RPGRIP1L: variants seen among roughly 807,000 people sequenced by gnomAD.
RPGRIP1L encodes protein fantom.
RPGRIP1L carries 131 observed loss-of-function variants against 160.4 expected under a neutral mutation model. The ratio of observed to expected loss-of-function variants is 0.82; its 90% CI spans 0.71 to 0.94. RPGRIP1L has a LOEUF of 0.94. Among genes scored for constraint, RPGRIP1L ranks in the 40% least tolerant of loss-of-function variants. RPGRIP1L has a pLI of 0.00. For synonymous variants in RPGRIP1L, 510 were observed against 515.8 expected, an observed-to-expected ratio of 0.99 and a Z score of 0.15; for missense variants, 1,522 against 1,535.8, an observed-to-expected ratio of 0.99 and a Z score of 0.15.
At chr16:53,628,075 T>C (rs1376845724) in intron 22 of RPGRIP1L, among the ~76,000 whole-genome samples, 1 of 152,050 alleles carries the variant, frequency 6.6e-6, no homozygotes, top group African/African-American at 2.4e-5. Context: ...TATTATCAAA[T>C]TAATCTCCAG....
chr16:53,680,619 T>C (rs1969532091), intron 6 of RPGRIP1L, among the ~76,000 whole-genome samples: 1 of 152,120 alleles, frequency 6.6e-6, no homozygotes, highest in Non-Finnish European at 1.5e-5. Flanking sequence ...GAAATTTGGA[T>C]ATGGACTGTG....
chr16:53,653,113 C>G, intron 14 of RPGRIP1L, 126 bp from the exon 15 acceptor site: 2 of 885,390 alleles, frequency 2.3e-6, no homozygotes, highest in Non-Finnish European at 3.4e-6. Flanking sequence ...TATGACTACA[C>G]TGTTTTTCTG....
rs543337021 is a variant in RPGRIP1L at position 53,644,725 on chromosome 16, A to T, written c.2683+900T>A. 1.5e-3 allele frequency among the ~76,000 whole-genome samples: 227 copies of T among 152,338 alleles called. 1 individual carries two copies. The highest frequency in any genetic ancestry group is 5.1e-3 in the African/African-American group (213 of 41,586). On this transcript the variant is annotated intron_variant, in intron 17 of 26. Transcript: ENST00000647211. ...TTGACCAAAAATATTATATACAGCAAGACCATCCTTCAAAAAACAAAATCA... is the reference window on the plus strand; with the variant it reads ...TTGACCAAAAATATTATATACAGCATGACCATCCTTCAAAAAACAAAATCA...
intron 22 of RPGRIP1L, among the ~76,000 whole-genome samples, chr16:53,624,773 CCCCCT>C: frequency 6.8e-6 from 1 of 147,098 alleles, no homozygotes. Flanking sequence ...CCCTCCCCCT[CCCCCT>C]CGTCTCAGTC....
intron 25 of RPGRIP1L, among the ~76,000 whole-genome samples, chr16:53,608,878 G>A (rs1042717947): frequency 7.9e-5 from 12 of 152,220 alleles, no homozygotes; most frequent in African/African-American, 2.9e-4. Flanking sequence ...ACTGTTGAGG[G>A]AGAACAGTCA....
In RPGRIP1L at chr16:53,598,407, G is replaced by A. The variant is rs2150903750; in HGVS notation, c.*3669C>T. 6.6e-6 allele frequency: 1 copy of A among 152,242 alleles called. No homozygotes were observed. The highest frequency in any genetic ancestry group is 1.9e-4 in the East Asian group (1 of 5,182). 9.4% of individuals were successfully genotyped at this position (152,242 alleles called of 1,614,324 possible). A position where few individuals can be genotyped will look rare whatever the true frequency, so the allele number is the denominator to read the frequency against. On this transcript the variant is annotated 3_prime_UTR_variant, in exon 27 of 27. Transcript: ENST00000647211. ...GTGAATGTCATATGGAAAATGAAAG[G>A]GCAAGAACAAAAGGTATAAGAATAC...
In RPGRIP1L at chr16:53,672,927, G is replaced by C. The variant is rs1289804735; in HGVS notation, c.972C>G (p.Cys324Trp). The C allele has an allele frequency of 9.3e-6, 15 of 1,612,762 alleles. No homozygotes were observed. The highest frequency in any genetic ancestry group is 1.7e-4 in the Middle Eastern group (1 of 5,994). ...AATGTAATTGTTTCTCAAGACTGCA[G>C]CATTTTAAACGCTGCTCTTTAAGTT... is the stretch of plus-strand genomic sequence containing the variant. ...NMQLKEQRLK[C>W]CSLEKQLHSM... Residue 324 changes from cysteine to tryptophan, a missense_variant, in exon 8 of 27, where the codon TGC (cysteine) becomes TGG (tryptophan). Cys to Trp is a radical substitution (Grantham distance 215). Coordinates refer to ENST00000647211, the MANE Select transcript of RPGRIP1L (RefSeq NM_015272.5).
At chr16:53,692,000 G>C in intron 4 of RPGRIP1L, 66 bp downstream of exon 4, 1 of 1,472,304 alleles carries the variant, frequency 6.8e-7, no homozygotes, top group Non-Finnish European at 9.5e-7. Context: ...GTAAAACTTT[G>C]TGTTTTTTTT....
intron 6 of RPGRIP1L, 68 bp downstream of exon 6, chr16:53,686,365 A>G: frequency 1.4e-6 from 2 of 1,477,262 alleles, no homozygotes; most frequent in Non-Finnish European, 1.9e-6. Context: ...TTATCCTTTT[A>G]TGGCACATGA....
chr16:53,622,929 G>A (rs1165455938), intron 22 of RPGRIP1L, among the ~76,000 whole-genome samples: 2 of 151,848 alleles, frequency 1.3e-5, no homozygotes, highest in Non-Finnish European at 2.9e-5. Flanking sequence ...AGCCTGAGAG[G>A]TTGGGGCTGT....
intron 2 of RPGRIP1L, among the ~76,000 whole-genome samples, chr16:53,699,656 T>C (rs1345797113): frequency 6.6e-6 from 1 of 152,106 alleles, no homozygotes; most frequent in African/African-American, 2.4e-5. Flanking sequence ...CAATAAAATC[T>C]GTGTAGCCAA....
intron 25 of RPGRIP1L, chr16:53,608,062 C>A: frequency 3.4e-6 from 2 of 582,154 alleles, no homozygotes; most frequent in Non-Finnish European, 4.3e-6. Flanking sequence ...GCTACCTGAG[C>A]TACTCCTGCC....
chr16:53,650,177 C>G (rs979282514), intron 15 of RPGRIP1L, among the ~76,000 whole-genome samples: 1 of 152,004 alleles, frequency 6.6e-6, no homozygotes, highest in Non-Finnish European at 1.5e-5. Context: ...GATGAGGCCA[C>G]GAGGGATCCA....
intron 25 of RPGRIP1L, among the ~76,000 whole-genome samples, chr16:53,609,588 T>C (rs1467382343): frequency 6.6e-6 from 1 of 152,158 alleles, no homozygotes; most frequent in Non-Finnish European, 1.5e-5. Context: ...TAAGACTGAA[T>C]AGGCTACTGA....
intron 6 of RPGRIP1L, among the ~76,000 whole-genome samples, chr16:53,682,434 C>T (rs1286595507): frequency 5.3e-5 from 8 of 152,160 alleles, no homozygotes; most frequent in Admixed American, 5.2e-4. Flanking sequence ...GTACCCTTGT[C>T]TATCACTCTA....
intron 19 of RPGRIP1L, 108 bp downstream of exon 19, chr16:53,640,925 C>A: frequency 1.2e-6 from 1 of 811,160 alleles, no homozygotes; most frequent in Non-Finnish European, 2.1e-6. Flanking sequence ...AAAAGACATA[C>A]TTTATTCACC....
intron 6 of RPGRIP1L, among the ~76,000 whole-genome samples, chr16:53,679,866 A>T (rs1198278055): frequency 6.6e-6 from 1 of 152,210 alleles, no homozygotes; most frequent in African/African-American, 2.4e-5. Context: ...ACCCATTTCA[A>T]TCTAATCATT....
intron 6 of RPGRIP1L, among the ~76,000 whole-genome samples, chr16:53,685,287 G>A (rs1293787532): frequency 1.3e-5 from 2 of 152,200 alleles, no homozygotes; most frequent in African/African-American, 4.8e-5. Context: ...CATTGTGTAA[G>A]ACTGTGTGGT....
intron 10 of RPGRIP1L, chr16:53,659,291 TCC>T: frequency 1.7e-6 from 1 of 585,744 alleles, no homozygotes; most frequent in Non-Finnish European, 2.2e-6. Context: ...AATTTTATTT[TCC>T]CAACTTAGCA....
Sources: gnomAD v4.1 joint callset for allele counts (sites outside exome capture counted in the v4.1 genomes callset) on GRCh38, gnomAD v4.1.1 for gene constraint, MANE v1.5 for transcripts, NCBI Gene and HGNC (gene_info 2026-07-23, HGNC 2026-07-21) for gene names.